CNGA1: variants seen among roughly 807,000 people sequenced by gnomAD.
CNGA1 encodes the protein cyclic nucleotide-gated channel alpha-1.
CNGA1 carries 53 observed loss-of-function variants against 69.7 expected under a neutral mutation model. That is an observed-to-expected ratio of 0.76 (90% CI 0.61 to 0.96). The LOEUF is 0.96. Ranked by LOEUF, CNGA1 falls within the 40% of genes least tolerant of loss-of-function variation. CNGA1 has a pLI of 0.00. For synonymous variants in CNGA1, 249 were observed against 283.5 expected, an observed-to-expected ratio of 0.88 and a Z score of 1.22; for missense variants, 739 against 811.2, an observed-to-expected ratio of 0.91 and a Z score of 1.08.
chr4:47,989,812 CCT>C lies in CNGA1; in HGVS notation c.-122-8314_-122-8313del, dbSNP rs1436470330. ...CCTCACCCCCTTCCCACCCTTTCCCCCTGATTCCCCAAGTCCATTGTGTCATT... is the reference window on the plus strand; with the variant it reads ...CCTCACCCCCTTCCCACCCTTTCCCCGATTCCCCAAGTCCATTGTGTCATT... On this transcript the variant is annotated intron_variant, in intron 2 of 10. Transcript: ENST00000514170. 2.6e-5 allele frequency among the ~76,000 whole-genome samples: 4 copies of C among 151,640 alleles called. 1 individual carries two copies. Among genetic ancestry groups the C allele is most frequent in the Admixed American group, 6.6e-5 (1 of 15,232 alleles).
chr4:47,979,876 T>C (rs1427147802), intron 3 of CNGA1, among the ~76,000 whole-genome samples: 1 of 152,212 alleles, frequency 6.6e-6, no homozygotes, highest in Admixed American at 6.5e-5. Context: ...TGTTGATATC[T>C]TCAATTAAAG....
intron 4 of CNGA1, 70 bp downstream of exon 4, chr4:47,952,513 A>AAATT: frequency 6.5e-7 from 1 of 1,527,152 alleles, no homozygotes; most frequent in South Asian, 1.2e-5. Context: ...AGCTAAATTG[A>AAATT]AATTAAATCT....
In CNGA1 at chr4:47,936,865, G is replaced by A; in HGVS notation, c.1617C>T (p.Tyr539=). 6.2e-7 allele frequency: 1 copy of A among 1,614,070 alleles called. No homozygotes were observed. Among genetic ancestry groups the A allele is most frequent in the Non-Finnish European group, 8.5e-7 (1 of 1,180,022 alleles). ...TQFVVLSDGS[Y]FGEISILNIK... is the part of the protein sequence containing the mutation. ...TGTTAAGAATGCTGATCTCACCGAA[G>A]TAGCTGCCATCGCTCAATACCACAA... Residue 539 remains tyrosine, a synonymous_variant, in exon 11 of 11, where the codon TAC becomes TAT. Coordinates refer to ENST00000514170, the MANE Select transcript of CNGA1 (RefSeq NM_001379270.1).
At chr4:47,942,227 C>A (rs1739126934) in intron 8 of CNGA1, 79 bp from the exon 9 acceptor site, 1 of 879,232 alleles carries the variant, frequency 1.1e-6, no homozygotes, top group Admixed American at 1.7e-5. Context: ...CATCGTTATG[C>A]CCATCAACCA....
At chr4:47,984,848 T>C (rs1332308636) in intron 2 of CNGA1, among the ~76,000 whole-genome samples, 2 of 152,128 alleles carry the variant, frequency 1.3e-5, no homozygotes, top group Non-Finnish European at 2.9e-5. Flanking sequence ...AGTTAAGATC[T>C]TCAGAAAATG....
intron 3 of CNGA1, among the ~76,000 whole-genome samples, chr4:47,954,914 C>CT (rs931820785): frequency 5.3e-5 from 8 of 152,162 alleles, no homozygotes; most frequent in African/African-American, 1.9e-4. Context: ...GCCCAGGGAC[C>CT]TTTAGGCTAT....
intron 2 of CNGA1, among the ~76,000 whole-genome samples, chr4:47,993,726 T>G (rs920087723): frequency 6.6e-6 from 1 of 152,104 alleles, no homozygotes; most frequent in African/African-American, 2.4e-5. Flanking sequence ...CTGCTGGTTT[T>G]GGGTTTGGTT....
intron 2 of CNGA1, among the ~76,000 whole-genome samples, chr4:48,000,573 G>A (rs962475496): frequency 2.6e-5 from 4 of 152,082 alleles, no homozygotes; most frequent in African/African-American, 4.8e-5. Context: ...TCTCCAGATT[G>A]GTTAGGCTGG....
intron 2 of CNGA1, among the ~76,000 whole-genome samples, chr4:48,010,328 G>T (rs1170537660): frequency 6.6e-6 from 1 of 152,068 alleles, no homozygotes; most frequent in Non-Finnish European, 1.5e-5. Context: ...CTGAATCCTG[G>T]GTCTTCAAAA....
rs1281656808 is a variant in CNGA1 at position 47,937,256 on chromosome 4, C to A, written c.1226G>T (p.Arg409Ile). ...CATATATTGCTTGATAGCATCAATT[C>A]TTGCTTGAAATTCTGCTCTGGCTGC... is the stretch of plus-strand genomic sequence containing the variant. ...MNAARAEFQA[R>I]IDAIKQYMHF... is the part of the protein sequence containing the mutation. Residue 409 changes from arginine to isoleucine, a missense_variant, in exon 11 of 11, where the codon AGA becomes ATA. Coordinates refer to ENST00000514170, the MANE Select transcript of CNGA1 (RefSeq NM_001379270.1). 6.2e-7 allele frequency: 1 copy of A among 1,614,008 alleles called. No homozygotes were observed. The highest frequency in any genetic ancestry group is 8.5e-7 in the Non-Finnish European group (1 of 1,180,022).
intron 2 of CNGA1, among the ~76,000 whole-genome samples, chr4:48,001,459 A>G (rs1714662097): frequency 1.3e-5 from 2 of 152,180 alleles, no homozygotes; most frequent in Admixed American, 1.3e-4. Flanking sequence ...ACAGAGCAAG[A>G]CTCTGTTTAA....
At chr4:48,008,774 T>G (rs1011570361) in intron 2 of CNGA1, among the ~76,000 whole-genome samples, 1 of 152,238 alleles carries the variant, frequency 6.6e-6, no homozygotes, top group African/African-American at 2.4e-5. Context: ...CAAGCTGTCC[T>G]TGCTTATTCC....
At chr4:47,992,266 T>C (rs1309694799) in intron 2 of CNGA1, among the ~76,000 whole-genome samples, 1 of 152,182 alleles carries the variant, frequency 6.6e-6, no homozygotes, top group African/African-American at 2.4e-5. Flanking sequence ...AGTGTGGTCA[T>C]TTTCACAATA....
At chr4:47,984,922 C>T (rs1741919410) in intron 2 of CNGA1, among the ~76,000 whole-genome samples, 1 of 152,032 alleles carries the variant, frequency 6.6e-6, no homozygotes. Context: ...TTTACTTTAG[C>T]CTCTCTAATG....
rs186368309 is a variant in CNGA1, at chr4:47,997,045, G to A, written c.-123+13749C>T. 1.0e-3 allele frequency among the ~76,000 whole-genome samples: 155 copies of A among 152,296 alleles called. 1 individual carries two copies. The East Asian group carries it at 0.027, about 27-fold the overall frequency. On this transcript the variant is annotated intron_variant, in intron 2 of 10. Coordinates refer to ENST00000514170, the MANE Select transcript of CNGA1 (RefSeq NM_001379270.1). ...ACTTGACTCCAGCCTGGGCAACAGA[G>A]TGAGATTCTGTCTGAAAAAAAACAA...
At chr4:47,958,765 T>G (rs1740250894) in intron 3 of CNGA1, among the ~76,000 whole-genome samples, 1 of 152,220 alleles carries the variant, frequency 6.6e-6, no homozygotes, top group Admixed American at 6.5e-5. Context: ...CCTGCTAGAT[T>G]GTGAGCTCTT....
In CNGA1 at chr4:47,943,371, C is replaced by T. The variant is rs1389575721; in HGVS notation, c.329G>A (p.Ser110Asn). 1 of 1,524,678 alleles carries T rather than the reference C, an allele frequency of 6.6e-7. No individual in the cohort carries two copies. The highest frequency in any genetic ancestry group is 1.4e-5 in the African/African-American group (1 of 71,588). 94.4% of individuals were successfully genotyped at this position (1,524,678 alleles called of 1,614,324 possible). A position where few individuals can be genotyped will look rare whatever the true frequency, so the allele number is the denominator to read the frequency against. ...GGGGTAATTCTTGCCAAAGTCTTAC[C>T]TCTTCTTTTCTTTTTTCTTTTTCTT... ...EKKKKKKEKK[S>N]KSDDKNENKN... The change falls in exon 7 of 11, where the codon AGC (serine) becomes AAC (asparagine). Residue 110 changes from serine to asparagine, a missense_variant and splice_region_variant. By Grantham distance (46) the Ser-to-Asn change is conservative. Transcript: ENST00000514170.
intron 6 of CNGA1, among the ~76,000 whole-genome samples, chr4:47,943,735 A>T (rs1264563549): frequency 6.6e-6 from 1 of 152,232 alleles, no homozygotes; most frequent in African/African-American, 2.4e-5. Flanking sequence ...AATGTATTAA[A>T]AATAATATTT....
chr4:48,005,179 G>A (rs906076259), intron 2 of CNGA1, among the ~76,000 whole-genome samples: 2 of 151,966 alleles, frequency 1.3e-5, no homozygotes, highest in African/African-American at 4.8e-5. Flanking sequence ...GTGCAGAGGT[G>A]TGATCTCAGC....
Sources: gnomAD v4.1 joint callset for allele counts (sites outside exome capture counted in the v4.1 genomes callset) on GRCh38, gnomAD v4.1.1 for gene constraint, MANE v1.5 for transcripts, NCBI Gene and HGNC (gene_info 2026-07-23, HGNC 2026-07-21) for gene names.